LIPC: variants seen among roughly 807,000 people sequenced by gnomAD.
LIPC encodes the protein lipase C, hepatic type.
A neutral mutation model predicts 50.7 loss-of-function variants in LIPC; 44 were observed. The ratio of observed to expected loss-of-function variants is 0.87; its 90% CI spans 0.68 to 1.11. The LOEUF is 1.11. Ranked by LOEUF, LIPC falls within the 50% of genes most tolerant of loss-of-function variation. The probability of loss-of-function intolerance (pLI) is 0.00; values close to 1 mark genes in which losing one functional copy is unlikely to be tolerated. For synonymous variants in LIPC, 271 were observed against 256.4 expected (o/e 1.06, Z -0.54); for missense variants, 697 against 648.2 (o/e 1.08, Z -0.82).
intron 1 of LIPC, among the ~76,000 whole-genome samples, chr15:58,517,227 A>G (rs1892511532): frequency 6.6e-6 from 1 of 152,234 alleles, no homozygotes; most frequent in Non-Finnish European, 1.5e-5. Flanking sequence ...AAGATCCCCA[A>G]GGTTTTGACC....
intron 1 of LIPC, among the ~76,000 whole-genome samples, chr15:58,459,268 C>T (rs1894248329): frequency 6.6e-6 from 1 of 152,170 alleles, no homozygotes; most frequent in African/African-American, 2.4e-5. Flanking sequence ...CAGGAAGTGA[C>T]ATAGACAGTG....
chr15:58,538,629 A>G, intron 2 of LIPC, 112 bp downstream of exon 2: 4 of 1,031,496 alleles, frequency 3.9e-6, no homozygotes, highest in South Asian at 1.3e-5. Flanking sequence ...AACTCCATGC[A>G]TAATGTTTAT....
At chr15:58,438,728 G>A (rs1239013182) in intron 1 of LIPC, among the ~76,000 whole-genome samples, 1 of 152,218 alleles carries the variant, frequency 6.6e-6, no homozygotes, top group African/African-American at 2.4e-5. Flanking sequence ...CCTAAACATG[G>A]TCACAAAGTA....
intron 1 of LIPC, among the ~76,000 whole-genome samples, chr15:58,495,233 C>T (rs183211261): frequency 1.3e-5 from 2 of 152,204 alleles, no homozygotes; most frequent in South Asian, 2.1e-4. Context: ...CTGCTCTGAG[C>T]GATTTAGTTC....
chr15:58,457,645 T>A (rs1431525771), intron 1 of LIPC, among the ~76,000 whole-genome samples: 3 of 152,340 alleles, frequency 2.0e-5, no homozygotes, highest in East Asian at 3.9e-4. Context: ...TCAGGCCGCA[T>A]CATTTTGTGG....
chr15:58,483,147 G>T (rs1595886685), intron 1 of LIPC, among the ~76,000 whole-genome samples: 1 of 152,182 alleles, frequency 6.6e-6, no homozygotes, highest in South Asian at 2.1e-4. Context: ...TTCAAAAAGG[G>T]AGTGGCTATT....
rs1421752171 is a variant in LIPC at position 58,569,484 on chromosome 15, C to T, written c.*657C>T. The stretch of plus-strand genomic sequence containing the variant: ...ACATAATTATTATATCTTACTAATG[C>T]TTGCAACAAAAGCTAATTTTAAAAA... On this transcript the variant is annotated 3_prime_UTR_variant, in exon 9 of 9. Transcript: ENST00000299022. 2 of 152,154 alleles carry T rather than the reference C, an allele frequency of 1.3e-5. No individual in the cohort carries two copies. Among genetic ancestry groups the T allele is most frequent in the African/African-American group, 4.8e-5 (2 of 41,440 alleles). The allele number at this position is 152,154 out of a possible 1,614,324, so 9.4% of individuals were successfully genotyped here.
chr15:58,533,262 C>A, intron 1 of LIPC: 1 of 666,458 alleles, frequency 1.5e-6, no homozygotes, highest in Non-Finnish European at 1.9e-6. Context: ...TAAAGCATAT[C>A]CTTTCCTCAC....
Position 58,467,782 on chromosome 15 carries a change from G to C in LIPC, c.88+35662G>C, listed in dbSNP as rs181146928. ...CTGTTGCGCAGTGGTTTGCCTACCA[G>C]GTATCCCTTACATCAAATCCTGTCC... On this transcript the variant is annotated intron_variant, in intron 1 of 8. Coordinates refer to ENST00000299022, the MANE Select transcript of LIPC (RefSeq NM_000236.3). 6.6e-5 allele frequency among the ~76,000 whole-genome samples: 10 copies of C among 152,270 alleles called. No individual in the cohort carries two copies. In the East Asian group the frequency reaches 1.9e-3, roughly 29 times the overall value.
At chr15:58,470,331 T>C (rs1480901421) in intron 1 of LIPC, among the ~76,000 whole-genome samples, 1 of 152,180 alleles carries the variant, frequency 6.6e-6, no homozygotes, top group African/African-American at 2.4e-5. Flanking sequence ...TTTTATTTTT[T>C]ATTAGGTATT....
chr15:58,505,843 T>A (rs1443020485), intron 1 of LIPC, among the ~76,000 whole-genome samples: 1 of 152,176 alleles, frequency 6.6e-6, no homozygotes. Flanking sequence ...GTATCCTGCT[T>A]TCATTAGGGG....
intron 8 of LIPC, among the ~76,000 whole-genome samples, chr15:58,568,031 A>T (rs1894446994): frequency 1.3e-5 from 2 of 152,232 alleles, no homozygotes; most frequent in Admixed American, 6.5e-5. Flanking sequence ...AAAAAGAAGT[A>T]ATAAACTAGA....
chr15:58,493,618 CGTATAAATAAAATTT>C (rs1566928246), intron 1 of LIPC, among the ~76,000 whole-genome samples: 1 of 135,830 alleles, frequency 7.4e-6, no homozygotes, highest in African/African-American at 2.8e-5. Context: ...AAATTTATTA[CGTATAAATAAAATTT>C]ATACAAAATT....
At chr15:58,495,443 C>T (rs8029789) in intron 1 of LIPC, among the ~76,000 whole-genome samples, 151,810 of 152,338 alleles carry the variant, frequency 1, 75,645 homozygotes, top group Middle Eastern at 1. Flanking sequence ...TAACCATATG[C>T]TCTAGGCATT....
chr15:58,513,341 T>TGGATCAG (rs1892390585), intron 1 of LIPC, among the ~76,000 whole-genome samples: 1 of 152,336 alleles, frequency 6.6e-6, no homozygotes, highest in Admixed American at 6.5e-5. Context: ...AAGGACAAAC[T>TGGATCAG]AGAAGAAACT....
intron 1 of LIPC, chr15:58,533,187 G>A (rs1893008132): frequency 3.0e-6 from 3 of 984,754 alleles, no homozygotes; most frequent in Non-Finnish European, 3.6e-6. Flanking sequence ...AGTTTCAGAA[G>A]GTATGCTTGG....
intron 4 of LIPC, among the ~76,000 whole-genome samples, chr15:58,544,929 T>A (rs1893470221): frequency 6.6e-6 from 1 of 152,188 alleles, no homozygotes; most frequent in South Asian, 2.1e-4. Flanking sequence ...TGCACAGACA[T>A]CTGTCACTTG....
intron 1 of LIPC, among the ~76,000 whole-genome samples, chr15:58,535,610 G>A (rs1235986853): frequency 2.6e-5 from 4 of 152,324 alleles, no homozygotes; most frequent in African/African-American, 9.6e-5. Flanking sequence ...GACAACTGGG[G>A]TGAATTTCCA....
intron 1 of LIPC, among the ~76,000 whole-genome samples, chr15:58,479,695 G>C (rs1350680646): frequency 6.6e-6 from 1 of 152,170 alleles, no homozygotes; most frequent in African/African-American, 2.4e-5. Flanking sequence ...TTGTTACAAG[G>C]GTATGTGGCT....
Sources: gnomAD v4.1 joint callset for allele counts (sites outside exome capture counted in the v4.1 genomes callset) on GRCh38, gnomAD v4.1.1 for gene constraint, MANE v1.5 for transcripts, NCBI Gene and HGNC (gene_info 2026-07-23, HGNC 2026-07-21) for gene names.